The following OARD1 variants were observed in gnomAD, a reference collection of about 807,000 sequenced individuals.
The protein encoded by OARD1 is ADP-ribose glycohydrolase OARD1.
Under a neutral mutation model 19.7 loss-of-function variants are expected in OARD1, and 19 were observed. That is an observed-to-expected ratio of 0.96 (90% CI 0.67 to 1.41). OARD1 has a LOEUF of 1.41. Ranked by LOEUF, OARD1 falls within the 40% of genes most tolerant of loss-of-function variation. OARD1 has a pLI of 0.00. For missense variants in OARD1, 190 were observed against 183.8 expected (o/e 1.03, Z -0.20); for synonymous variants, 70 against 61.8 (o/e 1.13, Z -0.62).
chr6:41,084,073 G>A, intron 1 of OARD1: 1 of 1,613,472 alleles, frequency 6.2e-7, no homozygotes, highest in Non-Finnish European at 8.5e-7. Flanking sequence ...AATGGTGCAG[G>A]TCAGTGGAGG....
chr6:41,094,184 AGCAT>A (rs1561856636), intron 1 of OARD1, among the ~76,000 whole-genome samples: 3 of 152,190 alleles, frequency 2.0e-5, no homozygotes, highest in Admixed American at 1.3e-4. Flanking sequence ...TCATACTATA[AGCAT>A]TCACAGTCTT....
chr6:41,097,502 T>A (rs938043723), intron 1 of OARD1: 27 of 1,363,446 alleles, frequency 2.0e-5, no homozygotes, highest in Non-Finnish European at 2.7e-5. Context: ...GATGATCACA[T>A]TCTGCCCTTT....
At chr6:41,082,914 A>G (rs1168304847) in intron 1 of OARD1, among the ~76,000 whole-genome samples, 3 of 152,312 alleles carry the variant, frequency 2.0e-5, no homozygotes, top group African/African-American at 4.8e-5. Flanking sequence ...ATTCTAATAC[A>G]TTAGTGGTGG....
At chr6:41,072,959 C>G (rs1763551302), upstream of OARD1, 1 of 154,758 alleles carries the variant, frequency 6.5e-6, no homozygotes, top group African/African-American at 2.4e-5. Context: ...CCCCTTTGTT[C>G]GGGTTCGCCA....
chr6:41,092,799 TA>T, intron 1 of OARD1: 1 of 1,092,116 alleles, frequency 9.2e-7, no homozygotes, highest in Non-Finnish European at 1.3e-6. Context: ...AAGTACCCTA[TA>T]AAAATTACTT....
At chr6:41,077,177 T>G (rs1194680532), upstream of OARD1, among the ~76,000 whole-genome samples, 1 of 152,176 alleles carries the variant, frequency 6.6e-6, no homozygotes, top group Non-Finnish European at 1.5e-5. Flanking sequence ...TGGGGAGGCG[T>G]TGAAACCTAA....
At chr6:41,071,511 ATTAAT>A (rs1435895617) in intron 2 of OARD1, 80 bp downstream of exon 2, 9 of 1,209,538 alleles carry the variant, frequency 7.4e-6, no homozygotes, top group Non-Finnish European at 1.1e-5. Context: ...TAATGCAATC[ATTAAT>A]TTAATTAAAA....
At chr6:41,095,809 G>C (rs1339936019) in intron 1 of OARD1, among the ~76,000 whole-genome samples, 1 of 152,198 alleles carries the variant, frequency 6.6e-6, no homozygotes, top group Non-Finnish European at 1.5e-5. Context: ...AAGTTGTATA[G>C]AGGGTAGAGG....
At position 41,071,178 on chromosome 6, in the gene OARD1, G is replaced by A. The variant is rs1064742; in HGVS notation, c.138C>T (p.Val46=). 1.5e-5 allele frequency: 24 copies of A among 1,614,086 alleles called. No homozygotes were observed. The highest frequency in any genetic ancestry group is 3.4e-6 in the Non-Finnish European group (4 of 1,180,038). Residue 46 remains valine (V), a synonymous_variant, in exon 3 of 6, where the codon GTC becomes GTT. Coordinates refer to ENST00000424266, the MANE Select transcript of OARD1 (RefSeq NM_001329686.2). ...EDCRMGAGIA[V]LFKKKFGGVQ... ...CCCCTCCAAATTTCTTCTTAAAGAG[G>A]ACAGCTATCCCAGCGCCCATGCGAC...
intron 1 of OARD1, among the ~76,000 whole-genome samples, chr6:41,078,273 A>G (rs905843866): frequency 3.9e-5 from 6 of 152,332 alleles, no homozygotes; most frequent in Admixed American, 6.5e-5. Flanking sequence ...GCAAATGATT[A>G]ATTCCACCAG....
At chr6:41,089,835 T>C in intron 1 of OARD1, 1 of 1,367,942 alleles carries the variant, frequency 7.3e-7, no homozygotes, top group Non-Finnish European at 9.8e-7. Flanking sequence ...AAAATATATT[T>C]TTGGCCGGGC....
chr6:41,095,451 G>A (rs746707058), intron 1 of OARD1, among the ~76,000 whole-genome samples: 1 of 152,116 alleles, frequency 6.6e-6, no homozygotes, highest in Non-Finnish European at 1.5e-5. Context: ...TTCTCTCTCA[G>A]TATGTTCTTA....
intron 1 of OARD1, chr6:41,089,609 A>C: frequency 6.2e-7 from 1 of 1,612,612 alleles, no homozygotes; most frequent in Non-Finnish European, 8.5e-7. Context: ...ACAGATCCAG[A>C]TCCAGGGTGG....
At position 41,080,907 on chromosome 6, in the gene OARD1, T is replaced by A. The variant is rs750306668; in HGVS notation, c.-41-9232A>T. The A allele has an allele frequency of 8.1e-6, 13 of 1,606,954 alleles. No individual in the cohort carries two copies. The South Asian group carries it at 1.4e-4, about 18-fold the overall frequency. The stretch of plus-strand genomic sequence containing the variant: ...CCAGACCCTCCAGGTAGTGGTACCC[T>A]CTCTGATTCTCTGTGAGCACTGCAT... On this transcript the variant is annotated intron_variant, in intron 1 of 4. Transcript: ENST00000480585.
intron 3 of OARD1, 78 bp downstream of exon 3, chr6:41,071,054 C>T (rs765225388): frequency 1.4e-6 from 2 of 1,398,736 alleles, no homozygotes; most frequent in Non-Finnish European, 1.0e-6. Context: ...CCTCTTTACA[C>T]GCATATTTTA....
intron 1 of OARD1, chr6:41,091,575 G>A (rs1377655832): frequency 6.8e-6 from 11 of 1,614,048 alleles, no homozygotes; most frequent in African/African-American, 1.3e-5. Flanking sequence ...AGCCAGTTTG[G>A]CAGGAGCACA....
chr6:41,086,739 A>G (rs758993333), intron 1 of OARD1, among the ~76,000 whole-genome samples: 2 of 152,184 alleles, frequency 1.3e-5, no homozygotes, highest in East Asian at 1.9e-4. Context: ...CAAGAAATAG[A>G]TAGAAGAATA....
At chr6:41,094,336 A>G in intron 1 of OARD1, 1 of 1,414,728 alleles carries the variant, frequency 7.1e-7, no homozygotes, top group South Asian at 1.2e-5. Flanking sequence ...TTTGTGCACT[A>G]GATAACTGTG....
intron 3 of OARD1, chr6:41,070,772 G>T (rs1358280984): frequency 2.2e-6 from 1 of 464,592 alleles, no homozygotes; most frequent in East Asian, 3.9e-5. Context: ...GATGGGAGGG[G>T]TCTGTAAGGA....
Sources: gnomAD v4.1 joint callset for allele counts (sites outside exome capture counted in the v4.1 genomes callset) on GRCh38, gnomAD v4.1.1 for gene constraint, MANE v1.5 for transcripts, NCBI Gene and HGNC (gene_info 2026-07-23, HGNC 2026-07-21) for gene names.